Variants in MAN1A1 observed in about 807,000 individuals in gnomAD.
MAN1A1 encodes mannosyl-oligosaccharide 1,2-alpha-mannosidase IA.
In MAN1A1, 29 loss-of-function variants were observed where a neutral mutation model predicts 70.8. That is an observed-to-expected ratio of 0.41 (90% CI 0.31 to 0.56). MAN1A1 has a LOEUF of 0.56. Ranked by LOEUF, MAN1A1 falls within the 20% of genes least tolerant of loss-of-function variation. The probability of loss-of-function intolerance (pLI) is 0.29; values close to 1 mark genes in which losing one functional copy is unlikely to be tolerated. For synonymous variants in MAN1A1, 349 were observed against 330.1 expected (o/e 1.06, Z -0.62); for missense variants, 747 against 841.3 (o/e 0.89, Z 1.39).
intron 6 of MAN1A1, chr6:119,210,796 G>A (rs1774028699): frequency 6.5e-6 from 2 of 308,854 alleles, no homozygotes; most frequent in Non-Finnish European, 1.3e-5. Context: ...AACTGATAAT[G>A]AGGAAGGACT....
chr6:119,222,455 T>C (rs1401662325), intron 6 of MAN1A1, among the ~76,000 whole-genome samples: 1 of 151,734 alleles, frequency 6.6e-6, no homozygotes, highest in Non-Finnish European at 1.5e-5. Context: ...GCCTCCCAAG[T>C]AGCTGGGACT....
chr6:119,311,295 A>G (rs1033349910), intron 2 of MAN1A1, among the ~76,000 whole-genome samples: 6 of 152,204 alleles, frequency 3.9e-5, no homozygotes, highest in Admixed American at 3.9e-4. Flanking sequence ...ACACATAAAT[A>G]GGAGGGACAA....
chr6:119,332,093 G>C, intron 2 of MAN1A1: 1 of 387,758 alleles, frequency 2.6e-6, no homozygotes, highest in South Asian at 1.9e-5. Flanking sequence ...ATGAGAATAT[G>C]TACATAAAGT....
intron 11 of MAN1A1, among the ~76,000 whole-genome samples, chr6:119,186,657 C>T (rs1449382774): frequency 2.0e-5 from 3 of 152,226 alleles, no homozygotes; most frequent in Non-Finnish European, 4.4e-5. Context: ...CTTCCACCTT[C>T]TTTTCCTGAC....
intron 3 of MAN1A1, among the ~76,000 whole-genome samples, 173 bp from the exon 4 acceptor site, chr6:119,302,276 T>G (rs551656538): frequency 6.6e-6 from 1 of 152,250 alleles, no homozygotes; most frequent in East Asian, 1.9e-4. Context: ...AACTAAAAAT[T>G]ATCACGGGCT....
At position 119,302,018 on chromosome 6, in the gene MAN1A1, T is replaced by C; in HGVS notation, c.786A>G (p.Ser262=). 1 of 1,601,848 alleles carries C rather than the reference T, an allele frequency of 6.2e-7. No homozygotes were observed. Among genetic ancestry groups the C allele is most frequent in the Non-Finnish European group, 8.5e-7 (1 of 1,169,942 alleles). The part of the protein sequence containing the change: ...EMKHEFEEAK[S]WVEENLDFNV... ...TAAAATCTAAATTTTCTTCAACCCA[T>C]GATTTTGCTTCTTCAAATTCATGTT... The change falls in exon 4 of 13, where the codon TCA becomes TCG. Residue 262 remains serine, a synonymous_variant. Coordinates refer to ENST00000368468, the MANE Select transcript of MAN1A1 (RefSeq NM_005907.4).
chr6:119,180,454 A>G (rs758876136), intron 11 of MAN1A1, 27 bp from the exon 12 acceptor site: 2 of 1,185,242 alleles, frequency 1.7e-6, no homozygotes, highest in Non-Finnish European at 1.2e-6. Flanking sequence ...GAAAAAAAAA[A>G]GTCACATTTC....
chr6:119,194,456 T>C (rs1472721632), intron 8 of MAN1A1, among the ~76,000 whole-genome samples: 1 of 152,108 alleles, frequency 6.6e-6, no homozygotes. Context: ...CCCAAGTGGC[T>C]GGGACTACAG....
chr6:119,314,503 C>G (rs1248194032), intron 2 of MAN1A1, among the ~76,000 whole-genome samples: 1 of 152,166 alleles, frequency 6.6e-6, no homozygotes, highest in South Asian at 2.1e-4. Context: ...GTATTATTAT[C>G]CCTGTTTTAC....
intron 9 of MAN1A1, among the ~76,000 whole-genome samples, chr6:119,192,946 A>G (rs911770632): frequency 6.6e-6 from 1 of 152,208 alleles, no homozygotes; most frequent in Non-Finnish European, 1.5e-5. Context: ...AGAGACTTTA[A>G]GTAGTTTCTA....
chr6:119,262,363 TAAAC>T (rs1430506994), intron 5 of MAN1A1, among the ~76,000 whole-genome samples: 1 of 151,436 alleles, frequency 6.6e-6, no homozygotes, highest in African/African-American at 2.4e-5. Context: ...TAAAAACAAA[TAAAC>T]AATTCTGGTA....
rs1773846142 is a variant in MAN1A1 at position 119,349,612 on chromosome 6, G to C, written c.-293C>G. The C allele has an allele frequency of 1.0e-6, 1 of 985,846 alleles. No homozygotes were observed. The highest frequency in any genetic ancestry group is 1.2e-6 in the Non-Finnish European group (1 of 830,038). 61.1% of individuals were successfully genotyped at this position (985,846 alleles called of 1,614,324 possible). The stretch of plus-strand genomic sequence containing the variant: ...CGCCCGCTCCCCATCTCCGCGCTGA[G>C]ACTGCTGCCTCTTTCCTAGGCTGGG... On this transcript the variant is annotated 5_prime_UTR_variant, in exon 1 of 13. Coordinates refer to ENST00000368468, the MANE Select transcript of MAN1A1 (RefSeq NM_005907.4).
intron 6 of MAN1A1, among the ~76,000 whole-genome samples, chr6:119,205,639 C>T (rs1249689205): frequency 6.6e-6 from 1 of 152,138 alleles, no homozygotes; most frequent in Admixed American, 6.5e-5. Flanking sequence ...CATACAAATA[C>T]ACATAAAGTG....
intron 6 of MAN1A1, among the ~76,000 whole-genome samples, chr6:119,241,929 T>C (rs1480432203): frequency 6.8e-6 from 1 of 146,626 alleles, no homozygotes; most frequent in Non-Finnish European, 1.5e-5. Flanking sequence ...TGTGTTTGTG[T>C]ATGTGTGTGT....
chr6:119,321,617 A>AT (rs386359347), intron 2 of MAN1A1, among the ~76,000 whole-genome samples: 27,536 of 133,266 alleles, frequency 0.21, 3,531 homozygotes, highest in African/African-American at 0.31. Flanking sequence ...ATGGCCTGCA[A>AT]TTTTTTTTTT....
intron 6 of MAN1A1, among the ~76,000 whole-genome samples, chr6:119,209,353 T>G (rs1773980421): frequency 6.6e-6 from 1 of 152,220 alleles, no homozygotes; most frequent in Admixed American, 6.5e-5. Flanking sequence ...ATAATTTTCT[T>G]GAGAATTCTG....
At chr6:119,193,724 T>C (rs2114936772) in intron 9 of MAN1A1, 53 bp downstream of exon 9, 2 of 1,245,258 alleles carry the variant, frequency 1.6e-6, no homozygotes, top group African/African-American at 1.5e-5. Flanking sequence ...TTGATTAATA[T>C]ACAAATTATA....
intron 9 of MAN1A1, among the ~76,000 whole-genome samples, chr6:119,190,187 T>C (rs1350381892): frequency 1.3e-5 from 2 of 152,226 alleles, no homozygotes; most frequent in Non-Finnish European, 2.9e-5. Context: ...GACAGGCCAC[T>C]GTGCAGCAGT....
chr6:119,231,852 G>A (rs1051486673), intron 6 of MAN1A1, among the ~76,000 whole-genome samples: 8 of 152,158 alleles, frequency 5.3e-5, no homozygotes, highest in Non-Finnish European at 1.2e-4. Context: ...AAGAATTCAG[G>A]TTCTATAATC....
Sources: gnomAD v4.1 joint callset for allele counts (sites outside exome capture counted in the v4.1 genomes callset) on GRCh38, gnomAD v4.1.1 for gene constraint, MANE v1.5 for transcripts, NCBI Gene and HGNC (gene_info 2026-07-23, HGNC 2026-07-21) for gene names.